DPP6: variants seen among roughly 807,000 people sequenced by gnomAD.
The protein encoded by DPP6 is dipeptidyl peptidase like 6.
DPP6 carries 69 observed loss-of-function variants against 122.6 expected under a neutral mutation model. That is an observed-to-expected ratio of 0.56 (90% CI 0.46 to 0.69). The LOEUF (loss-of-function observed/expected upper bound fraction) is 0.69, where lower values mean the gene tolerates loss of function less well. Among genes scored for constraint, DPP6 ranks in the 30% least tolerant of loss-of-function variants. The probability of loss-of-function intolerance (pLI) is 0.00; values close to 1 mark genes in which losing one functional copy is unlikely to be tolerated. For synonymous variants in DPP6, 418 were observed against 433.1 expected, an observed-to-expected ratio of 0.97 and a Z score of 0.43; for missense variants, 928 against 1,116.9, an observed-to-expected ratio of 0.83 and a Z score of 2.41.
chr7:154,746,567 T>C (rs1044020368), intron 8 of DPP6, among the ~76,000 whole-genome samples: 2 of 152,206 alleles, frequency 1.3e-5, no homozygotes, highest in Non-Finnish European at 2.9e-5. Flanking sequence ...ATTTTGTTCA[T>C]AGAGCAATTC....
intron 1 of DPP6, among the ~76,000 whole-genome samples, chr7:154,196,316 C>G (rs1798864482): frequency 6.6e-6 from 1 of 152,100 alleles, no homozygotes; most frequent in Non-Finnish European, 1.5e-5. Context: ...ATGGTGAAAC[C>G]CTGTCTCTAC....
intron 1 of DPP6, among the ~76,000 whole-genome samples, chr7:154,091,828 G>A (rs138088473): frequency 0.022 from 3,353 of 150,760 alleles, 149 homozygotes; most frequent in African/African-American, 0.08. Context: ...GACATCCACT[G>A]CCCAGCATTT....
intron 1 of DPP6, among the ~76,000 whole-genome samples, chr7:154,262,940 G>A (rs369135727): frequency 3.3e-5 from 5 of 152,170 alleles, no homozygotes; most frequent in Non-Finnish European, 2.9e-5. Context: ...ATTAGGTTAC[G>A]ACAGTGGGGA....
chr7:154,422,280 A>C (rs780838009), intron 1 of DPP6, among the ~76,000 whole-genome samples: 7 of 152,208 alleles, frequency 4.6e-5, no homozygotes, highest in Non-Finnish European at 7.3e-5. Context: ...CTAGACAAAG[A>C]GCAGATGGAA....
In DPP6 at chr7:154,631,963, G is replaced by T. The variant is rs73727333; in HGVS notation, c.628-5858G>T. Among the ~76,000 whole-genome samples the T allele has an allele frequency of 2.2e-3, 337 of 152,240 alleles. 1 individual carries two copies. The highest frequency in any genetic ancestry group is 7.1e-3 in the African/African-American group (296 of 41,532). On this transcript the variant is annotated intron_variant, in intron 5 of 25. Transcript: ENST00000377770. ...AAGCAGTGAACAATTTGCAAATTGGGCAGCCTCCTGAGCCACAATAGGCTC... is the reference window on the plus strand; with the variant it reads ...AAGCAGTGAACAATTTGCAAATTGGTCAGCCTCCTGAGCCACAATAGGCTC...
intron 1 of DPP6, among the ~76,000 whole-genome samples, chr7:153,918,720 C>A (rs1585031175): frequency 6.6e-6 from 1 of 152,122 alleles, no homozygotes; most frequent in East Asian, 1.9e-4. Context: ...TGGCTCAAGC[C>A]TGTAATCCCA....
At chr7:153,921,819 C>T (rs530716319) in intron 1 of DPP6, among the ~76,000 whole-genome samples, 42 of 152,326 alleles carry the variant, frequency 2.8e-4, no homozygotes, top group Non-Finnish European at 5.0e-4. Context: ...TCTTCTCAAC[C>T]CCCAAGTCTA....
chr7:154,305,388 A>C, intron 1 of DPP6: 2 of 992,232 alleles, frequency 2.0e-6, no homozygotes, highest in Non-Finnish European at 2.4e-6. Context: ...TTTCGGAAGT[A>C]TGGACTAAAA....
the DPP6 span, among the ~76,000 whole-genome samples, chr7:153,853,906 A>G: frequency 1.3e-5 from 2 of 150,176 alleles, no homozygotes; most frequent in South Asian, 2.2e-4. Flanking sequence ...TGTTTTGGAC[A>G]TGAAGTCCTT....
At chr7:153,800,390 A>G in the DPP6 span, among the ~76,000 whole-genome samples, 1 of 152,220 alleles carries the variant, frequency 6.6e-6, no homozygotes, top group East Asian at 1.9e-4. Context: ...ATGAAGGCAA[A>G]GAGTAGAATA....
intron 16 of DPP6, among the ~76,000 whole-genome samples, chr7:154,842,602 T>C (rs1801640473): frequency 6.6e-6 from 1 of 152,168 alleles, no homozygotes; most frequent in Non-Finnish European, 1.5e-5. Context: ...TTTTTGTCCC[T>C]CTGGTCACAG....
chr7:154,824,199 C>T (rs1271970610), intron 16 of DPP6, among the ~76,000 whole-genome samples: 1 of 152,236 alleles, frequency 6.6e-6, no homozygotes, highest in African/African-American at 2.4e-5. Flanking sequence ...ACCTATTCAT[C>T]TCTTCCACCC....
intron 1 of DPP6, among the ~76,000 whole-genome samples, chr7:154,226,466 A>G (rs1256081557): frequency 6.6e-6 from 1 of 152,206 alleles, no homozygotes; most frequent in Non-Finnish European, 1.5e-5. Context: ...ATCAGTGCCC[A>G]TCACTGTCAA....
chr7:153,801,819 G>A, the DPP6 span, among the ~76,000 whole-genome samples: 486 of 152,256 alleles, frequency 3.2e-3, 1 homozygote, highest in Non-Finnish European at 4.8e-3. Context: ...CTTGTTCTCA[G>A]ACTGGCCATG....
chr7:153,867,974 A>G, the DPP6 span, among the ~76,000 whole-genome samples: 3 of 152,166 alleles, frequency 2.0e-5, no homozygotes, highest in African/African-American at 7.2e-5. Flanking sequence ...CGTATGTTGA[A>G]CCAGCCTTGC....
intron 5 of DPP6, among the ~76,000 whole-genome samples, chr7:154,575,055 GGTGTGTT>G: frequency 7.2e-6 from 1 of 138,882 alleles, no homozygotes; most frequent in Admixed American, 7.1e-5. Context: ...TGGTGTGTGT[GGTGTGTT>G]TGGTGTGTTG....
the DPP6 span, among the ~76,000 whole-genome samples, chr7:153,761,037 C>T: frequency 7.2e-5 from 11 of 152,126 alleles, no homozygotes; most frequent in Non-Finnish European, 1.2e-4. Context: ...GTCCATCATC[C>T]GCTTTAGTCT....
intron 1 of DPP6, among the ~76,000 whole-genome samples, chr7:154,330,296 C>T (rs1808809684): frequency 6.6e-6 from 1 of 152,160 alleles, no homozygotes; most frequent in African/African-American, 2.4e-5. Flanking sequence ...CAGAGGCTTT[C>T]ATGTCAGTTT....
intron 5 of DPP6, among the ~76,000 whole-genome samples, chr7:154,598,094 G>A (rs1833209709): frequency 6.6e-6 from 1 of 151,936 alleles, no homozygotes. Context: ...ATAGAAAACA[G>A]TTAAGAAAAA....
Sources: allele counts gnomAD v4.1 joint callset (sites outside exome capture counted in the v4.1 genomes callset), GRCh38; gene constraint gnomAD v4.1.1; transcripts MANE v1.5; gene names NCBI Gene and HGNC (gene_info 2026-07-23, HGNC 2026-07-21).